The following CDK14 variants were observed in gnomAD, a reference collection of about 807,000 sequenced individuals.
CDK14 encodes the protein cyclin dependent kinase 14.
CDK14 carries 34 observed loss-of-function variants against 60.7 expected under a neutral mutation model. The observed-to-expected ratio is 0.56, with a 90% CI of 0.43 to 0.75. The LOEUF (loss-of-function observed/expected upper bound fraction) is 0.75, where lower values mean the gene tolerates loss of function less well. Ranked by LOEUF, CDK14 falls within the 30% of genes least tolerant of loss-of-function variation. The probability of loss-of-function intolerance (pLI) is 0.00; values close to 1 mark genes in which losing one functional copy is unlikely to be tolerated. For missense variants in CDK14, 482 were observed against 564.1 expected (o/e 0.85, Z 1.47); for synonymous variants, 197 against 203.7 (o/e 0.97, Z 0.28).
chr7:90,830,930 C>T (rs1436064212), intron 5 of CDK14, among the ~76,000 whole-genome samples: 1 of 152,230 alleles, frequency 6.6e-6, no homozygotes, highest in Non-Finnish European at 1.5e-5. Context: ...TCATCTCCAT[C>T]TGAGACCACT....
At chr7:90,939,551 T>C (rs1264631403) in intron 8 of CDK14, among the ~76,000 whole-genome samples, 1 of 152,244 alleles carries the variant, frequency 6.6e-6, no homozygotes, top group Non-Finnish European at 1.5e-5. Flanking sequence ...TTGTATTGGT[T>C]ATTAGTACAG....
At chr7:90,613,870 A>G (rs1799594867) in intron 2 of CDK14, among the ~76,000 whole-genome samples, 1 of 151,858 alleles carries the variant, frequency 6.6e-6, no homozygotes, top group African/African-American at 2.4e-5. Context: ...CTGGGTTGTG[A>G]TTGGGATGGC....
chr7:90,613,752 A>G (rs1402474261), intron 2 of CDK14, among the ~76,000 whole-genome samples: 1 of 152,136 alleles, frequency 6.6e-6, no homozygotes, highest in Middle Eastern at 3.4e-3. Flanking sequence ...GTACAGCCTA[A>G]CTACTCTATT....
At chr7:90,821,371 G>A (rs867633902) in intron 5 of CDK14, among the ~76,000 whole-genome samples, 4 of 152,184 alleles carry the variant, frequency 2.6e-5, no homozygotes, top group African/African-American at 9.7e-5. Context: ...AATTAAGGCC[G>A]AGGGCCAGGC....
Position 90,714,091 on chromosome 7 carries a change from AC to A in CDK14, c.124-12475del, listed in dbSNP as rs1251284106. ...TTGCCCAAGATCCTTCTGTAGTTTG[AC>A]TATAGAGCATATGTAATTATTTCTT... On this transcript the variant is annotated intron_variant, in intron 2 of 14. Coordinates refer to ENST00000380050, the MANE Select transcript of CDK14 (RefSeq NM_001287135.2). 3.9e-5 allele frequency among the ~76,000 whole-genome samples: 6 copies of A among 152,126 alleles called. No homozygotes were observed. The East Asian group carries it at 1.2e-3, about 29-fold the overall frequency.
At chr7:90,596,774 C>G (rs1799195900) in intron 1 of CDK14, 56 bp downstream of exon 1, 1 of 1,431,788 alleles carries the variant, frequency 7.0e-7, no homozygotes, top group Admixed American at 1.8e-5. Flanking sequence ...GGCCTGCGCC[C>G]CCGCCGCGTT....
At chr7:90,762,983 A>C (rs890862686) in intron 4 of CDK14, among the ~76,000 whole-genome samples, 3 of 152,218 alleles carry the variant, frequency 2.0e-5, no homozygotes, top group Non-Finnish European at 4.4e-5. Flanking sequence ...TGTCTTAAAA[A>C]ATTAACATAG....
intron 9 of CDK14, among the ~76,000 whole-genome samples, chr7:90,959,234 A>G (rs1794525756): frequency 6.6e-6 from 1 of 152,186 alleles, no homozygotes; most frequent in Admixed American, 6.6e-5. Flanking sequence ...AGAACCAAAT[A>G]GCAAATGTGT....
chr7:90,687,583 A>C (rs1411437676), intron 2 of CDK14, among the ~76,000 whole-genome samples: 1 of 152,110 alleles, frequency 6.6e-6, no homozygotes, highest in East Asian at 1.9e-4. Flanking sequence ...ATACATATTA[A>C]TGACTAAATG....
At chr7:90,978,677 T>TA (rs946170904) in intron 9 of CDK14, among the ~76,000 whole-genome samples, 1 of 152,076 alleles carries the variant, frequency 6.6e-6, no homozygotes, top group East Asian at 1.9e-4. Context: ...AGCACCTTAT[T>TA]AAAAAAATCA....
chr7:91,070,272 G>GCTGC (rs1798102591), intron 11 of CDK14, among the ~76,000 whole-genome samples: 2 of 22,758 alleles, frequency 8.8e-5, no homozygotes, highest in East Asian at 0.02. Flanking sequence ...GCTGCTGCTG[G>GCTGC]TGGTGGTGGT....
intron 10 of CDK14, among the ~76,000 whole-genome samples, chr7:91,007,019 C>A (rs1795998365): frequency 6.6e-6 from 1 of 152,154 alleles, no homozygotes; most frequent in Non-Finnish European, 1.5e-5. Context: ...ATACTCAGAG[C>A]TTTATGCACT....
chr7:90,860,997 A>T (rs1321808739), intron 5 of CDK14, among the ~76,000 whole-genome samples: 2 of 152,072 alleles, frequency 1.3e-5, no homozygotes. Context: ...GTGGAAACTG[A>T]GTTTTATCAG....
At chr7:90,720,191 G>A (rs1435005817) in intron 2 of CDK14, among the ~76,000 whole-genome samples, 1 of 152,146 alleles carries the variant, frequency 6.6e-6, no homozygotes, top group African/African-American at 2.4e-5. Context: ...TACAGTCTAA[G>A]GTATGCAAAA....
chr7:90,596,465 G>A lies in CDK14; in HGVS notation c.-163G>A. 1 of 546,992 alleles carries A rather than the reference G, an allele frequency of 1.8e-6. No individual in the cohort carries two copies. Among genetic ancestry groups the A allele is most frequent in the Non-Finnish European group, 3.2e-6 (1 of 311,238 alleles). 33.9% of individuals were successfully genotyped at this position (546,992 alleles called of 1,614,324 possible). On this transcript the variant is annotated 5_prime_UTR_variant, in exon 1 of 15. Transcript: ENST00000380050. ...GCCGGAGCGGAGCCTGCCGTCCTCC[G>A]CCTGCCTGCTGCTCGCCTCCCTAGA... is the stretch of plus-strand genomic sequence containing the variant.
intron 9 of CDK14, among the ~76,000 whole-genome samples, chr7:90,974,815 GAT>G (rs1412240113): frequency 1.3e-5 from 2 of 152,026 alleles, no homozygotes; most frequent in Admixed American, 6.6e-5. Context: ...TTAGTTGAAA[GAT>G]AGAAAGTTAT....
At chr7:90,711,307 G>A (rs1802050884) in intron 2 of CDK14, among the ~76,000 whole-genome samples, 1 of 151,874 alleles carries the variant, frequency 6.6e-6, no homozygotes, top group African/African-American at 2.4e-5. Context: ...GACATTGATT[G>A]TTGGGAGTGA....
At chr7:90,870,568 C>T (rs1791338618) in intron 6 of CDK14, among the ~76,000 whole-genome samples, 2 of 152,176 alleles carry the variant, frequency 1.3e-5, no homozygotes, top group African/African-American at 2.4e-5. Flanking sequence ...GGCATACTTC[C>T]GTTTTTCCCT....
chr7:90,851,140 A>C (rs892208956), intron 5 of CDK14, among the ~76,000 whole-genome samples: 3 of 152,216 alleles, frequency 2.0e-5, no homozygotes, highest in Non-Finnish European at 2.9e-5. Context: ...GTCAGGAATC[A>C]GGAGGCCAGA....
Sources: allele counts gnomAD v4.1 joint callset (sites outside exome capture counted in the v4.1 genomes callset), GRCh38; gene constraint gnomAD v4.1.1; transcripts MANE v1.5; gene names NCBI Gene and HGNC (gene_info 2026-07-23, HGNC 2026-07-21).